OSBPL10: variants seen among roughly 807,000 people sequenced by gnomAD.
The protein encoded by OSBPL10 is oxysterol-binding protein-related protein 10.
In OSBPL10, 49 loss-of-function variants were observed where a neutral mutation model predicts 81.7. That is an observed-to-expected ratio of 0.60 (90% CI 0.48 to 0.76). The LOEUF (loss-of-function observed/expected upper bound fraction) is 0.76. Ranked by LOEUF, OSBPL10 falls within the 30% of genes least tolerant of loss-of-function variation. The probability of loss-of-function intolerance (pLI) is 0.00; values close to 1 mark genes in which losing one functional copy is unlikely to be tolerated. For synonymous variants in OSBPL10, 419 were observed against 383.6 expected (o/e 1.09, Z -1.08); for missense variants, 923 against 987.8 (o/e 0.93, Z 0.88).
In OSBPL10 at chr3:31,748,090, T is replaced by C. The variant is rs2290532; in HGVS notation, c.760A>G (p.Asn254Asp). 729,888 of 1,612,980 alleles carry C rather than the reference T, an allele frequency of 0.45. 174,263 individuals are homozygous for C. Among genetic ancestry groups the C allele is most frequent in the East Asian group, 0.77 (34,330 of 44,824 alleles). The change falls in exon 5 of 12, where the codon AAC becomes GAC. Residue 254 changes from asparagine to aspartate, a missense_variant. Coordinates refer to ENST00000396556, the MANE Select transcript of OSBPL10 (RefSeq NM_017784.5). The stretch of plus-strand genomic sequence containing the variant: ...AGGGACTCAATGGCGTGCACAAGGT[T>C]CTTCTGCTGCCCTTCCACCTGGTTC... ...MMNQVEGQQK[N>D]LVHAIESLPG...
At chr3:32,030,562 C>A (rs1383470130) in intron 2 of OSBPL10, 1 of 786,516 alleles carries the variant, frequency 1.3e-6, no homozygotes, top group Non-Finnish European at 2.3e-6. Flanking sequence ...CAAAGACAAA[C>A]GTACCTGGGT....
intron 1 of OSBPL10, among the ~76,000 whole-genome samples, chr3:31,894,322 G>T (rs1046157691): frequency 3.3e-5 from 5 of 152,204 alleles, no homozygotes; most frequent in African/African-American, 1.2e-4. Flanking sequence ...AGGCAGGAAG[G>T]AACGGGCCTG....
At position 31,905,345 on chromosome 3, in the gene OSBPL10, ATT is replaced by A. The variant is rs386396290; in HGVS notation, c.282-25517_282-25516del. The stretch of plus-strand genomic sequence containing the variant: ...GAGCTCTATGTCAAGGAACCTGGTG[ATT>A]TTTTTTTTTTTTTTTTTTTTTAGAC... On this transcript the variant is annotated intron_variant, in intron 1 of 11. Transcript: ENST00000396556. Among the ~76,000 whole-genome samples, 436 of 94,768 alleles carry A rather than the reference ATT, an allele frequency of 4.6e-3. 6 individuals carry two copies. Among genetic ancestry groups the A allele is most frequent in the African/African-American group, 0.019 (401 of 21,258 alleles). The allele number at this position is 94,768 out of a possible 152,430, so 62.2% of individuals were successfully genotyped here.
At chr3:32,004,000 T>G (rs1048414107) in intron 2 of OSBPL10, among the ~76,000 whole-genome samples, 1 of 152,198 alleles carries the variant, frequency 6.6e-6, no homozygotes, top group Non-Finnish European at 1.5e-5. Context: ...TTGTCACTTA[T>G]AGCACAGCAG....
At chr3:31,732,234 C>G (rs1039884550) in intron 6 of OSBPL10, among the ~76,000 whole-genome samples, 15 of 152,194 alleles carry the variant, frequency 9.9e-5, no homozygotes, top group African/African-American at 3.6e-4. Context: ...TCACACCCTT[C>G]TAACACCCCT....
chr3:32,072,375 C>T (rs1283003269), intron 1 of OSBPL10, among the ~76,000 whole-genome samples: 1 of 152,188 alleles, frequency 6.6e-6, no homozygotes, highest in East Asian at 1.9e-4. Context: ...TTCTGTCCCT[C>T]ACGGCCAGTT....
intron 6 of OSBPL10, among the ~76,000 whole-genome samples, chr3:31,730,516 T>C (rs12496831): frequency 0.32 from 48,846 of 152,030 alleles, 9,668 homozygotes; most frequent in East Asian, 0.63. Flanking sequence ...TTGAAAAAAT[T>C]GTTTTACTAA....
intron 4 of OSBPL10, among the ~76,000 whole-genome samples, chr3:31,825,285 A>G (rs1303723157): frequency 6.6e-6 from 1 of 152,242 alleles, no homozygotes; most frequent in African/African-American, 2.4e-5. Flanking sequence ...ACACAGATGC[A>G]CAGGCCAGAA....
At chr3:31,680,194 C>A (rs1575471110) in intron 8 of OSBPL10, among the ~76,000 whole-genome samples, 1 of 152,194 alleles carries the variant, frequency 6.6e-6, no homozygotes, top group Non-Finnish European at 1.5e-5. Flanking sequence ...CAGAAGCACA[C>A]TTGAATCAAG....
chr3:31,726,880 G>A (rs941747784), intron 6 of OSBPL10, among the ~76,000 whole-genome samples: 22 of 151,414 alleles, frequency 1.5e-4, no homozygotes, highest in Non-Finnish European at 3.2e-4. Flanking sequence ...ATCTCACTCT[G>A]TCACCAAGGT....
intron 7 of OSBPL10, among the ~76,000 whole-genome samples, chr3:31,684,936 G>A (rs1252302086): frequency 6.6e-6 from 1 of 152,156 alleles, no homozygotes; most frequent in Non-Finnish European, 1.5e-5. Context: ...AGACCTTGTA[G>A]AGGCCCGGAT....
chr3:32,031,200 T>C (rs1357923236), intron 2 of OSBPL10, among the ~76,000 whole-genome samples: 1 of 151,084 alleles, frequency 6.6e-6, no homozygotes, highest in East Asian at 1.9e-4. Context: ...AAGAAAACAA[T>C]TGAGGAGAAC....
intron 4 of OSBPL10, among the ~76,000 whole-genome samples, chr3:31,754,898 T>C (rs112671157): frequency 0.026 from 3,935 of 152,274 alleles, 83 homozygotes; most frequent in Middle Eastern, 0.037. Flanking sequence ...CCTAGATATT[T>C]TGGTTATTAT....
intron 4 of OSBPL10, among the ~76,000 whole-genome samples, chr3:31,792,744 T>A (rs1430930879): frequency 6.5e-5 from 4 of 61,430 alleles, no homozygotes; most frequent in East Asian, 5.3e-4. Context: ...ACACAGAGTG[T>A]GTGTGTGTGT....
At chr3:31,918,988 A>C (rs1477838376) in intron 1 of OSBPL10, among the ~76,000 whole-genome samples, 1 of 152,180 alleles carries the variant, frequency 6.6e-6, no homozygotes, top group Non-Finnish European at 1.5e-5. Flanking sequence ...CACAGCCTGG[A>C]TCTCACCTGC....
At chr3:31,674,806 T>G (rs930132249) in intron 8 of OSBPL10, among the ~76,000 whole-genome samples, 13 of 152,242 alleles carry the variant, frequency 8.5e-5, no homozygotes, top group African/African-American at 3.1e-4. Flanking sequence ...TAAACCTCTT[T>G]CCTCTCAGGT....
intron 1 of OSBPL10, among the ~76,000 whole-genome samples, chr3:31,904,508 A>C (rs1050614828): frequency 6.6e-6 from 1 of 152,204 alleles, no homozygotes; most frequent in African/African-American, 2.4e-5. Context: ...GGATGTACCA[A>C]AAAAGCCACC....
intron 3 of OSBPL10, among the ~76,000 whole-genome samples, chr3:31,850,718 C>T (rs1700743780): frequency 6.6e-6 from 1 of 152,204 alleles, no homozygotes; most frequent in African/African-American, 2.4e-5. Flanking sequence ...TCATTATAAT[C>T]ACGATATTAA....
Position 31,754,072 on chromosome 3 carries a change from T to C in OSBPL10, c.730-5952A>G, listed in dbSNP as rs201362061. ...TCTTCTCTCAATGAGCTGCCGACTT[T>C]TTCTACCTGACATTCTACCTTCGCC... On this transcript the variant is annotated intron_variant, in intron 4 of 11. Transcript: ENST00000396556. 2.0e-5 allele frequency among the ~76,000 whole-genome samples: 3 copies of C among 152,166 alleles called. No individual in the cohort carries two copies. In the East Asian group the frequency reaches 5.8e-4, roughly 29 times the overall value.
Sources: gnomAD v4.1 joint callset for allele counts (sites outside exome capture counted in the v4.1 genomes callset) on GRCh38, gnomAD v4.1.1 for gene constraint, MANE v1.5 for transcripts, NCBI Gene and HGNC (gene_info 2026-07-23, HGNC 2026-07-21) for gene names.